LOC128706666: variants seen among roughly 807,000 people sequenced by gnomAD.
At chr20:10,424,416 T>A in the LOC128706666 span, among the ~76,000 whole-genome samples, 1 of 152,054 alleles carries the variant, frequency 6.6e-6, no homozygotes, top group African/African-American at 2.4e-5. Context: ...CATATATTTT[T>A]AAAAAATGAC....
the LOC128706666 span, among the ~76,000 whole-genome samples, chr20:10,419,241 T>C: frequency 6.6e-6 from 1 of 152,268 alleles, no homozygotes; most frequent in East Asian, 1.9e-4. Flanking sequence ...TAAATTATAA[T>C]AGAAAATGCT....
chr20:10,422,186 C>T, the LOC128706666 span, among the ~76,000 whole-genome samples: 1 of 152,052 alleles, frequency 6.6e-6, no homozygotes, highest in Non-Finnish European at 1.5e-5. Context: ...AATCATTTCT[C>T]CCAAAGGTCT....
chr20:10,425,155 A>C, the LOC128706666 span, among the ~76,000 whole-genome samples: 1 of 152,218 alleles, frequency 6.6e-6, no homozygotes, highest in Non-Finnish European at 1.5e-5. Context: ...TATAGAAACA[A>C]GGAAAAGAGA....
At chr20:10,429,445 G>A in the LOC128706666 span, among the ~76,000 whole-genome samples, 2 of 152,092 alleles carry the variant, frequency 1.3e-5, no homozygotes, top group South Asian at 4.1e-4. Context: ...GCTCTCACAC[G>A]TTCATCTCCA....
chr20:10,419,683 G>A, the LOC128706666 span, among the ~76,000 whole-genome samples: 608 of 152,262 alleles, frequency 4.0e-3, 3 homozygotes, highest in African/African-American at 0.014. Flanking sequence ...GAACATAAGC[G>A]CGGAGATACC....
the LOC128706666 span, among the ~76,000 whole-genome samples, chr20:10,414,414 C>T: frequency 7.2e-5 from 11 of 151,962 alleles, no homozygotes; most frequent in South Asian, 2.1e-4. Flanking sequence ...TACAGGCATG[C>T]GCCACCATGC....
At chr20:10,423,207 G>A in the LOC128706666 span, among the ~76,000 whole-genome samples, 1 of 152,080 alleles carries the variant, frequency 6.6e-6, no homozygotes, top group Non-Finnish European at 1.5e-5. Context: ...GGGAGCCTGA[G>A]GTGGGCGGAT....
chr20:10,416,935 T>C, the LOC128706666 span, among the ~76,000 whole-genome samples: 1 of 152,182 alleles, frequency 6.6e-6, no homozygotes, highest in Admixed American at 6.5e-5. Flanking sequence ...ATAGACACTA[T>C]ATGATCTGCA....
At chr20:10,428,213 T>TAGAGTGGTTTATAGA in the LOC128706666 span, among the ~76,000 whole-genome samples, 1 of 152,214 alleles carries the variant, frequency 6.6e-6, no homozygotes, top group Admixed American at 6.5e-5. Flanking sequence ...TGTCTGAGAA[T>TAGAGTGGTTTATAGA]CCTGTCCCCT....
the LOC128706666 span, among the ~76,000 whole-genome samples, chr20:10,424,714 T>A: frequency 6.6e-6 from 1 of 152,218 alleles, no homozygotes; most frequent in African/African-American, 2.4e-5. Flanking sequence ...ACAATTTAAA[T>A]TTAGCACTTT....
chr20:10,428,239 C>A, the LOC128706666 span, among the ~76,000 whole-genome samples: 1 of 152,146 alleles, frequency 6.6e-6, no homozygotes, highest in African/African-American at 2.4e-5. Context: ...TGTTTTTACA[C>A]CCTGGCTGCC....
At chr20:10,416,885 T>C in the LOC128706666 span, among the ~76,000 whole-genome samples, 1 of 152,244 alleles carries the variant, frequency 6.6e-6, no homozygotes, top group Non-Finnish European at 1.5e-5. Flanking sequence ...GTACTGTGTA[T>C]GAGTGCTTTT....
At chr20:10,427,029 GACACACACACACACACACACACACAC>G in the LOC128706666 span, among the ~76,000 whole-genome samples, 27 of 130,722 alleles carry the variant, frequency 2.1e-4, no homozygotes, top group Non-Finnish European at 3.6e-4. Context: ...AGAAAACACT[GACACACACACACACACACACACACAC>G]ACACACACAC....
the LOC128706666 span, among the ~76,000 whole-genome samples, chr20:10,414,508 G>A: frequency 6.6e-6 from 1 of 152,036 alleles, no homozygotes; most frequent in South Asian, 2.1e-4. Flanking sequence ...CAGGTGATCT[G>A]CCCATCTCTG....
the LOC128706666 span, among the ~76,000 whole-genome samples, chr20:10,417,399 C>T: frequency 6.6e-6 from 1 of 152,068 alleles, no homozygotes; most frequent in Non-Finnish European, 1.5e-5. Flanking sequence ...TTGCTTGAGG[C>T]CAGAAATTTG....
chr20:10,424,154 A>T, the LOC128706666 span, among the ~76,000 whole-genome samples: 1 of 152,194 alleles, frequency 6.6e-6, no homozygotes, highest in Admixed American at 6.5e-5. Context: ...CTGTACATAT[A>T]ATAGTCCCTT....
chr20:10,422,234 A>T, the LOC128706666 span, among the ~76,000 whole-genome samples: 1 of 152,174 alleles, frequency 6.6e-6, no homozygotes, highest in African/African-American at 2.4e-5. Context: ...GCAAAATTTT[A>T]ATTACTAGAT....
chr20:10,418,450 G>A, the LOC128706666 span, among the ~76,000 whole-genome samples: 1 of 152,052 alleles, frequency 6.6e-6, no homozygotes, highest in Admixed American at 6.6e-5. Flanking sequence ...ACAAATAAAT[G>A]CATTCTTTTG....
chr20:10,430,142 G>A, the LOC128706666 span, among the ~76,000 whole-genome samples: 1 of 152,194 alleles, frequency 6.6e-6, no homozygotes, highest in East Asian at 1.9e-4. Context: ...TAGTACAGCA[G>A]AAAGAAAAAT....
Sources: allele counts gnomAD v4.1 joint callset (sites outside exome capture counted in the v4.1 genomes callset), GRCh38; gene constraint gnomAD v4.1.1; transcripts MANE v1.5.